CD58: variants seen among roughly 807,000 people sequenced by gnomAD.
CD58 encodes lymphocyte function-associated antigen 3.
A neutral mutation model predicts 27.6 loss-of-function variants in CD58; 14 were observed. The ratio of observed to expected loss-of-function variants is 0.51; its 90% confidence interval spans 0.34 to 0.79. The LOEUF is 0.79. Among genes scored for constraint, CD58 ranks in the 30% least tolerant of loss-of-function variants. The pLI is 0.02. For synonymous variants in CD58, 117 were observed against 103.8 expected (o/e 1.13, Z -0.77); for missense variants, 268 against 301.7 (o/e 0.89, Z 0.83).
chr1:116,533,277 C>G (rs779681208), intron 3 of CD58: 1 of 1,291,562 alleles, frequency 7.7e-7, no homozygotes, highest in African/African-American at 1.5e-5. Context: ...TGGACCCTTA[C>G]GCTTCTGCTT....
rs1288700263 is a variant in CD58, at chr1:116,546,556, G to A, written c.71-1952C>T. On this transcript the variant is annotated intron_variant, in intron 1 of 5. Coordinates refer to ENST00000369489, the MANE Select transcript of CD58 (RefSeq NM_001779.3). The surrounding 1 kb of genome is among the most constrained non-coding windows in gnomAD (Gnocchi z 4.1). ...CACACAATAGTGGAAACTCAAAAAT[G>A]TCTTATAAATGTAAATGAAACAATG... Among the ~76,000 whole-genome samples the A allele has an allele frequency of 6.6e-6, 1 of 152,214 alleles. No individual in the cohort carries two copies. Among genetic ancestry groups the A allele is most frequent in the Non-Finnish European group, 1.5e-5 (1 of 68,032 alleles).
At chr1:116,556,668 A>T (rs888382234) in intron 1 of CD58, among the ~76,000 whole-genome samples, 1 of 152,224 alleles carries the variant, frequency 6.6e-6, no homozygotes, top group Non-Finnish European at 1.5e-5. Flanking sequence ...AGGAAGAAAA[A>T]GCCAGACCAG....
In CD58 at chr1:116,550,799, T is replaced by C. The variant is rs1658363573; in HGVS notation, c.71-6195A>G. Among the ~76,000 whole-genome samples, 1 of 152,106 alleles carries C rather than the reference T, an allele frequency of 6.6e-6. No individual in the cohort carries two copies. Among genetic ancestry groups the C allele is most frequent in the Non-Finnish European group, 1.5e-5 (1 of 68,012 alleles). On this transcript the variant is annotated intron_variant, in intron 1 of 5. Coordinates refer to ENST00000369489, the MANE Select transcript of CD58 (RefSeq NM_001779.3). The surrounding 1 kb of genome is among the most constrained non-coding windows in gnomAD (Gnocchi z 4.2). ...TAGCCTTACCAAGTGTATTCCTACA[T>C]AATAAGACTTCAAAGGCAAAATTAC...
At position 116,550,055 on chromosome 1, in the gene CD58, T is replaced by C. The variant is rs1658341120; in HGVS notation, c.71-5451A>G. 2.0e-5 allele frequency among the ~76,000 whole-genome samples: 3 copies of C among 152,224 alleles called. No homozygotes were observed. The highest frequency in any genetic ancestry group is 2.0e-4 in the Admixed American group (3 of 15,278). Reference sequence around the variant, plus strand: ...AAAAAAAAAACATGCTAACAATCATTTGAGCCTTCAGCAAGTCCTAATATT... The same window carrying C: ...AAAAAAAAAACATGCTAACAATCATCTGAGCCTTCAGCAAGTCCTAATATT... On this transcript the variant is annotated intron_variant, in intron 1 of 5. Transcript: ENST00000369489. This position sits in a 1 kb window ranked among gnomAD's most constrained non-coding sequence, Gnocchi z 4.2.
At position 116,570,896 on chromosome 1, in the gene CD58, C is replaced by G; in HGVS notation, c.70+7G>C. On this transcript the variant is annotated splice_region_variant and intron_variant, in intron 1 of 5. Coordinates refer to ENST00000369489, the MANE Select transcript of CD58 (RefSeq NM_001779.3). This position sits in a 1 kb window ranked among gnomAD's most constrained non-coding sequence, Gnocchi z 6.4. Reference sequence around the variant, plus strand: ...GGCGCGGGGCCCCTGGGGCAGGCTTCACTCACCAAAGCAGTGCAGCAGGCA... The same window carrying G: ...GGCGCGGGGCCCCTGGGGCAGGCTTGACTCACCAAAGCAGTGCAGCAGGCA... 2 of 1,553,876 alleles carry G rather than the reference C, an allele frequency of 1.3e-6. No individual in the cohort carries two copies. The highest frequency in any genetic ancestry group is 1.7e-6 in the Non-Finnish European group (2 of 1,154,468).
intron 5 of CD58, 152 bp from the exon 6 acceptor site, chr1:116,514,974 G>T: frequency 1.7e-6 from 1 of 576,066 alleles, no homozygotes; most frequent in East Asian, 3.0e-5. Flanking sequence ...GATGGAGGAA[G>T]AACTGCCTTG....
In CD58 at chr1:116,527,431, T is replaced by A. The variant is rs1271195141; in HGVS notation, c.629-5448A>T. Among the ~76,000 whole-genome samples the A allele has an allele frequency of 6.6e-6, 1 of 152,240 alleles. No homozygotes were observed. The highest frequency in any genetic ancestry group is 2.4e-5 in the African/African-American group (1 of 41,464). ...AATGCTTTTTCTGTATCTATTGGTA[T>A]GATCATGTGATTTTTCTTTCATAGT... On this transcript the variant is annotated intron_variant, in intron 3 of 5. Coordinates refer to ENST00000369489, the MANE Select transcript of CD58 (RefSeq NM_001779.3). This position sits in a 1 kb window ranked among gnomAD's most constrained non-coding sequence, Gnocchi z 4.4.
At position 116,552,069 on chromosome 1, in the gene CD58, C is replaced by T. The variant is rs1431266499; in HGVS notation, c.71-7465G>A. 1.3e-5 allele frequency among the ~76,000 whole-genome samples: 2 copies of T among 152,214 alleles called. No homozygotes were observed. The highest frequency in any genetic ancestry group is 1.5e-5 in the Non-Finnish European group (1 of 68,044). ...GTCATGGCTTTTCACATGCCTTCCT[C>T]ACTAAGCTTAATCATTTCTAGTTTT... On this transcript the variant is annotated intron_variant, in intron 1 of 5. Transcript: ENST00000369489. This position sits in a 1 kb window ranked among gnomAD's most constrained non-coding sequence, Gnocchi z 4.5.
In CD58 at chr1:116,570,219, G is replaced by A. The variant is rs1659093358; in HGVS notation, c.70+684C>T. Among the ~76,000 whole-genome samples the A allele has an allele frequency of 1.3e-5, 2 of 152,202 alleles. No homozygotes were observed. Among genetic ancestry groups the A allele is most frequent in the African/African-American group, 4.8e-5 (2 of 41,456 alleles). Reference sequence around the variant, plus strand: ...ATGGGAAGAAGGGGACCTATTTCCTGAGGTTGTTGTGACGACTTGGCTGAC... The same window carrying A: ...ATGGGAAGAAGGGGACCTATTTCCTAAGGTTGTTGTGACGACTTGGCTGAC... On this transcript the variant is annotated intron_variant, in intron 1 of 5. Coordinates refer to ENST00000369489, the MANE Select transcript of CD58 (RefSeq NM_001779.3). This position sits in a 1 kb window ranked among gnomAD's most constrained non-coding sequence, Gnocchi z 6.4.
At position 116,519,638 on chromosome 1, in the gene CD58, T is replaced by TAA. The variant is rs71692419; in HGVS notation, c.707-373_707-372dup. The stretch of plus-strand genomic sequence containing the variant: ...AATTTTTGGTATCCACATTACAAAG[T>TAA]AAAAAAAAATGTAAATTTTAATATT... On this transcript the variant is annotated intron_variant, in intron 4 of 5. Coordinates refer to ENST00000369489, the MANE Select transcript of CD58 (RefSeq NM_001779.3). This position sits in a 1 kb window ranked among gnomAD's most constrained non-coding sequence, Gnocchi z 4.7. 6.6e-6 allele frequency among the ~76,000 whole-genome samples: 1 copy of TAA among 151,576 alleles called. No individual in the cohort carries two copies. The highest frequency in any genetic ancestry group is 6.6e-5 in the Admixed American group (1 of 15,230).
intron 5 of CD58, among the ~76,000 whole-genome samples, chr1:116,518,514 C>G (rs945308435): frequency 1.3e-5 from 2 of 152,094 alleles, no homozygotes; most frequent in African/African-American, 2.4e-5. Context: ...CCCAACCTGC[C>G]AGCCCAGCCC....
In CD58 at chr1:116,523,785, C is replaced by A. The variant is rs1236249632; in HGVS notation, c.629-1802G>T. ...CAATCTTCACATAAAGATAAACTGC[C>A]CCTCATCAACAATGTGGTTACTCTG... On this transcript the variant is annotated intron_variant, in intron 3 of 5. Coordinates refer to ENST00000369489, the MANE Select transcript of CD58 (RefSeq NM_001779.3). The surrounding 1 kb of genome is among the most constrained non-coding windows in gnomAD (Gnocchi z 4.4). Among the ~76,000 whole-genome samples the A allele has an allele frequency of 1.3e-5, 2 of 152,150 alleles. No homozygotes were observed. The highest frequency in any genetic ancestry group is 2.9e-5 in the Non-Finnish European group (2 of 68,040).
At chr1:116,565,757 C>G (rs570342740) in intron 1 of CD58, among the ~76,000 whole-genome samples, 155 of 150,154 alleles carry the variant, frequency 1.0e-3, no homozygotes, top group African/African-American at 3.6e-3. Context: ...AGTCTCACTC[C>G]GTCACCCAGG....
intron 5 of CD58, chr1:116,518,705 C>A: frequency 1.0e-6 from 1 of 989,478 alleles, no homozygotes. Context: ...CACCCTACGG[C>A]GGTTTATTAA....
intron 1 of CD58, among the ~76,000 whole-genome samples, chr1:116,561,060 T>C (rs1276649452): frequency 3.3e-5 from 5 of 152,168 alleles, no homozygotes; most frequent in African/African-American, 1.2e-4. Flanking sequence ...AACTTACACA[T>C]ATAAGGGCTG....
In CD58 at chr1:116,557,900, G is replaced by A. The variant is rs529389247; in HGVS notation, c.70+13003C>T. On this transcript the variant is annotated intron_variant, in intron 1 of 5. Transcript: ENST00000369489. This position sits in a 1 kb window ranked among gnomAD's most constrained non-coding sequence, Gnocchi z 5.2. ...TGTTGCTCAGGCTGATCTCAAACTC[G>A]TGGGCTCAAGTGATCCTCCTCCCTG... Among the ~76,000 whole-genome samples, 19 of 151,948 alleles carry A rather than the reference G, an allele frequency of 1.3e-4. No homozygotes were observed. The highest frequency in any genetic ancestry group is 3.9e-4 in the East Asian group (2 of 5,182).
chr1:116,539,044 C>T (rs978368127), intron 2 of CD58, among the ~76,000 whole-genome samples: 1 of 152,184 alleles, frequency 6.6e-6, no homozygotes, highest in Non-Finnish European at 1.5e-5. Flanking sequence ...TAGGTTTCCT[C>T]CTCTCTACAA....
In CD58 at chr1:116,515,866, G is replaced by A. The variant is rs989325346; in HGVS notation, c.744-1044C>T. Among the ~76,000 whole-genome samples, 8 of 152,214 alleles carry A rather than the reference G, an allele frequency of 5.3e-5. No homozygotes were observed. Among genetic ancestry groups the A allele is most frequent in the South Asian group, 2.1e-4 (1 of 4,820 alleles). On this transcript the variant is annotated intron_variant, in intron 5 of 5. Transcript: ENST00000369489. The surrounding 1 kb of genome is among the most constrained non-coding windows in gnomAD (Gnocchi z 4.6). ...GAGAAGTGTGGCGTGGCCATTTCCC[G>A]TCAGATGTCTGCTATCTACTCATCT... is the stretch of plus-strand genomic sequence containing the variant.
rs1206752635 is a variant in CD58 at position 116,532,581 on chromosome 1, C to A, written c.628+3384G>T. Among the ~76,000 whole-genome samples the A allele has an allele frequency of 6.6e-6, 1 of 152,188 alleles. No individual in the cohort carries two copies. The highest frequency in any genetic ancestry group is 2.4e-5 in the African/African-American group (1 of 41,450). On this transcript the variant is annotated intron_variant, in intron 3 of 5. Transcript: ENST00000369489. This position sits in a 1 kb window ranked among gnomAD's most constrained non-coding sequence, Gnocchi z 5.1. Reference sequence around the variant, plus strand: ...TTCTAGATCCCTGGAACCTCATCACCAGACCTCGGCCCTTTTAGCCAAGTG... The same window carrying A: ...TTCTAGATCCCTGGAACCTCATCACAAGACCTCGGCCCTTTTAGCCAAGTG...
Sources: gnomAD v4.1 joint callset for allele counts (sites outside exome capture counted in the v4.1 genomes callset) on GRCh38, gnomAD v4.1.1 for gene constraint, Gnocchi (gnomAD v3.1) non-coding constraint, MANE v1.5 for transcripts, NCBI Gene and HGNC (gene_info 2026-07-23, HGNC 2026-07-21) for gene names.